Variants in NR3C1 observed in about 807,000 individuals in gnomAD.
NR3C1 encodes glucocorticoid receptor.
Under a neutral mutation model 74.0 loss-of-function variants are expected in NR3C1, and 14 were observed. That is an observed-to-expected ratio of 0.19 (90% CI 0.12 to 0.30). The LOEUF (loss-of-function observed/expected upper bound fraction) is 0.30. Ranked by LOEUF, NR3C1 falls within the 10% of genes least tolerant of loss-of-function variation. The probability of loss-of-function intolerance (pLI) is 1.00; values close to 1 mark genes in which losing one functional copy is unlikely to be tolerated. For missense variants in NR3C1, 695 were observed against 909.8 expected, an observed-to-expected ratio of 0.76 and a Z score of 3.04; for synonymous variants, 308 against 332.5, an observed-to-expected ratio of 0.93 and a Z score of 0.80.
intron 2 of NR3C1, among the ~76,000 whole-genome samples, chr5:143,332,354 A>C (rs1302411809): frequency 7.6e-6 from 1 of 131,202 alleles, no homozygotes; most frequent in Non-Finnish European, 1.6e-5. Context: ...TAAGAACCAC[A>C]CTGTGGATCA....
chr5:143,297,075 CAAAAAA>C (rs766243522), intron 6 of NR3C1, among the ~76,000 whole-genome samples: 2 of 60,630 alleles, frequency 3.3e-5, no homozygotes, highest in Non-Finnish European at 6.7e-5. Context: ...AGACTCGTCT[CAAAAAA>C]AAAAAAAAAA....
chr5:143,394,235 G>A (rs923273942), intron 2 of NR3C1, among the ~76,000 whole-genome samples: 52 of 152,022 alleles, frequency 3.4e-4, no homozygotes, highest in African/African-American at 1.2e-3. Flanking sequence ...CTATTGGGAT[G>A]TAATTAATAT....
chr5:143,434,656 G>C (rs1417896632), exon 1 of NR3C1: 4 of 985,264 alleles, frequency 4.1e-6, no homozygotes, highest in Non-Finnish European at 4.8e-6. Context: ...GCTGCATTTT[G>C]TTCCTCCCCA....
intron 2 of NR3C1, among the ~76,000 whole-genome samples, chr5:143,325,360 G>A (rs1007692485): frequency 6.6e-5 from 10 of 152,156 alleles, no homozygotes; most frequent in African/African-American, 1.2e-4. Flanking sequence ...TAACTATCAC[G>A]AGAATAGCAA....
chr5:143,365,498 A>G (rs956148804), intron 2 of NR3C1, among the ~76,000 whole-genome samples: 1 of 152,356 alleles, frequency 6.6e-6, no homozygotes, highest in African/African-American at 2.4e-5. Flanking sequence ...ACTTGTACCT[A>G]ACAATAGAAT....
intron 2 of NR3C1, among the ~76,000 whole-genome samples, chr5:143,327,129 T>C (rs1288100427): frequency 6.6e-6 from 1 of 152,194 alleles, no homozygotes; most frequent in Non-Finnish European, 1.5e-5. Flanking sequence ...GGAGGTTTAA[T>C]TGACTCACAG....
chr5:143,405,277 G>A (rs1476982944), upstream of NR3C1: 11 of 985,772 alleles, frequency 1.1e-5, no homozygotes, highest in East Asian at 1.1e-4. Flanking sequence ...CACGGGCGGG[G>A]GCTGCCGCAG....
intron 1 of NR3C1, among the ~76,000 whole-genome samples, chr5:143,426,894 TC>T (rs1325607687): frequency 6.6e-6 from 1 of 152,212 alleles, no homozygotes; most frequent in Non-Finnish European, 1.5e-5. Flanking sequence ...CAGTATCTGC[TC>T]CCTTTTTCTT....
At position 143,400,281 on chromosome 5, in the gene NR3C1, C is replaced by G; in HGVS notation, c.559G>C (p.Asp187His). 1.2e-6 allele frequency: 2 copies of G among 1,604,292 alleles called. No homozygotes were observed. The highest frequency in any genetic ancestry group is 1.7e-6 in the Non-Finnish European group (2 of 1,175,208). Residue 187 changes from aspartate to histidine, a missense_variant, in exon 2 of 9, where the codon GAC (aspartate) becomes CAC (histidine). Asp to His is a moderately conservative substitution (Grantham distance 81). This residue lies in a region of NR3C1 where 497 missense variants were observed against 489.5 expected (regional missense o/e 1.02). Coordinates refer to ENST00000394464, the MANE Select transcript of NR3C1 (RefSeq NM_000176.3). ...TGCAAAATGTCAAAGGTGCTTTGGT[C>G]TGTGGTATACAATTTCACATTGCCA... ...NGGNVKLYTT[D>H]QSTFDILQDL...
At chr5:143,427,444 C>T (rs1394437721) in intron 1 of NR3C1, among the ~76,000 whole-genome samples, 1 of 151,866 alleles carries the variant, frequency 6.6e-6, no homozygotes, top group Non-Finnish European at 1.5e-5. Flanking sequence ...GATAGAATGA[C>T]AAATAAGGCA....
intron 5 of NR3C1, among the ~76,000 whole-genome samples, chr5:143,299,792 C>T (rs1818120142): frequency 6.6e-6 from 1 of 152,180 alleles, no homozygotes; most frequent in Non-Finnish European, 1.5e-5. Context: ...AGGTATTAAT[C>T]AATGAGTTAA....
At chr5:143,431,795 G>T (rs879467983) in intron 1 of NR3C1, among the ~76,000 whole-genome samples, 5 of 152,230 alleles carry the variant, frequency 3.3e-5, no homozygotes, top group Non-Finnish European at 5.9e-5. Context: ...TTGGAGAAAG[G>T]TGCAGTGGGT....
At chr5:143,326,317 G>C (rs1561573201) in intron 2 of NR3C1, among the ~76,000 whole-genome samples, 1 of 152,148 alleles carries the variant, frequency 6.6e-6, no homozygotes, top group African/African-American at 2.4e-5. Context: ...AAACATCAAA[G>C]TTAATTTCTG....
intron 2 of NR3C1, among the ~76,000 whole-genome samples, chr5:143,379,839 A>G (rs913333275): frequency 6.6e-6 from 1 of 152,242 alleles, no homozygotes; most frequent in South Asian, 2.1e-4. Flanking sequence ...AGATAAGTTC[A>G]GCTTGGCCAG....
intron 2 of NR3C1, among the ~76,000 whole-genome samples, chr5:143,384,151 C>T (rs1220943146): frequency 6.6e-6 from 1 of 152,168 alleles, no homozygotes; most frequent in African/African-American, 2.4e-5. Flanking sequence ...GTGCCACACA[C>T]TTTCAAACAA....
At chr5:143,340,202 T>C (rs1827917828) in intron 2 of NR3C1, among the ~76,000 whole-genome samples, 1 of 152,164 alleles carries the variant, frequency 6.6e-6, no homozygotes, top group Admixed American at 6.5e-5. Context: ...GAAAATATTG[T>C]TGAAATAAAC....
intron 2 of NR3C1, among the ~76,000 whole-genome samples, chr5:143,380,590 T>C (rs953515276): frequency 7.2e-6 from 1 of 139,272 alleles, no homozygotes; most frequent in Non-Finnish European, 1.5e-5. Flanking sequence ...TAATTTACCT[T>C]AACCCCAAGT....
At chr5:143,345,009 T>TCC (rs1057396224) in intron 2 of NR3C1, among the ~76,000 whole-genome samples, 1 of 152,174 alleles carries the variant, frequency 6.6e-6, no homozygotes, top group East Asian at 1.9e-4. Flanking sequence ...TTCGCTTTCC[T>TCC]CCCACATCCC....
chr5:143,279,234 C>G lies in NR3C1; in HGVS notation c.*2655G>C. 1 of 1,029,276 alleles carries G rather than the reference C, an allele frequency of 9.7e-7. No individual in the cohort carries two copies. The highest frequency in any genetic ancestry group is 1.4e-6 in the Non-Finnish European group (1 of 726,110). The allele number at this position is 1,029,276 out of a possible 1,614,324, so 63.8% of individuals were successfully genotyped here. ...TCCTAAAAGGGCACAGCTTCTTTTC[C>G]CATTTAATGAAAAGCCTCCTATAGT... On this transcript the variant is annotated 3_prime_UTR_variant, in exon 9 of 9. Coordinates refer to ENST00000394464, the MANE Select transcript of NR3C1 (RefSeq NM_000176.3).
Sources: allele counts gnomAD v4.1 joint callset (sites outside exome capture counted in the v4.1 genomes callset), GRCh38; gene constraint gnomAD v4.1.1; regional missense constraint gnomAD v4.1.1; transcripts MANE v1.5; gene names NCBI Gene and HGNC (gene_info 2026-07-23, HGNC 2026-07-21).